SPEN: variants seen among roughly 807,000 people sequenced by gnomAD.
SPEN encodes the protein spen family transcriptional repressor.
A neutral mutation model predicts 269.9 loss-of-function variants in SPEN; 18 were observed. That is an observed-to-expected ratio of 0.07 (90% CI 0.05 to 0.10). The LOEUF is 0.10. Among genes scored for constraint, SPEN ranks in the 10% least tolerant of loss-of-function variants. The pLI is 1.00. For synonymous variants in SPEN, 1,726 were observed against 1,765.7 expected (o/e 0.98, Z 0.56); for missense variants, 3,822 against 4,631.2 (o/e 0.83, Z 5.07).
chr1:15,891,189 A>T (rs146393835), intron 3 of SPEN, among the ~76,000 whole-genome samples: 2 of 152,104 alleles, frequency 1.3e-5, no homozygotes, highest in Admixed American at 1.3e-4. Context: ...AATAATTGCT[A>T]TGAAAAAAAT....
At position 15,883,279 on chromosome 1, in the gene SPEN, G is replaced by C. The variant is rs543014045; in HGVS notation, c.881+6601G>C. ...GGGAAGCAGACATGTGAAACCCTTT[G>C]TGGTGTTTGCTTAAAGTAACAAGGA... On this transcript the variant is annotated intron_variant, in intron 3 of 14. Transcript: ENST00000375759. 5.5e-4 allele frequency among the ~76,000 whole-genome samples: 83 copies of C among 152,270 alleles called. No individual in the cohort carries two copies. The South Asian group carries it at 0.015, about 28-fold the overall frequency.
rs2071291028 is a variant in SPEN at position 15,937,757 on chromosome 1, G to C, written c.10510-55G>C. 6.2e-7 allele frequency: 1 copy of C among 1,611,248 alleles called. No homozygotes were observed. Among genetic ancestry groups the C allele is most frequent in the Non-Finnish European group, 8.5e-7 (1 of 1,178,772 alleles). On this transcript the variant is annotated intron_variant, in intron 12 of 14. Transcript: ENST00000375759. This position sits in a 1 kb window ranked among gnomAD's most constrained non-coding sequence, Gnocchi z 5.7. ...AAGCTACAGCCTCTGGCTGTGTCCAGCATGGCTCAGCGAGGGGCCATGAGC... is the reference window on the plus strand; with the variant it reads ...AAGCTACAGCCTCTGGCTGTGTCCACCATGGCTCAGCGAGGGGCCATGAGC...
rs756295949 is a variant in SPEN, at chr1:15,932,274, G to A, written c.6034G>A (p.Glu2012Lys). 6.2e-7 allele frequency: 1 copy of A among 1,609,328 alleles called. No homozygotes were observed. The highest frequency in any genetic ancestry group is 8.5e-7 in the Non-Finnish European group (1 of 1,178,222). The change falls in exon 11 of 15, where the codon GAG becomes AAG. Residue 2012 changes from glutamate (E) to lysine (K), a missense_variant. Around this residue, in one of 16 missense-constraint regions of SPEN, gnomAD observed 727 missense variants for 737.9 expected, o/e 0.99. Coordinates refer to ENST00000375759, the MANE Select transcript of SPEN (RefSeq NM_015001.3). The surrounding 1 kb of genome is among the most constrained non-coding windows in gnomAD (Gnocchi z 4.2). ...ACCGAAGGTGGATGCTACACGTCCT[G>A]AGGCCACCACTGAGGTGGGCCCCCA... ...NEPKVDATRP[E>K]ATTEVGPQIG...
intron 9 of SPEN, among the ~76,000 whole-genome samples, chr1:15,921,348 C>G (rs2071118355): frequency 6.6e-6 from 1 of 152,074 alleles, no homozygotes; most frequent in South Asian, 2.1e-4. Flanking sequence ...AGAAATCACC[C>G]CGTTAATAAC....
chr1:15,932,459 C>T lies in SPEN; in HGVS notation c.6219C>T (p.Ser2073=). The T allele has an allele frequency of 6.2e-7, 1 of 1,612,060 alleles. No individual in the cohort carries two copies. The highest frequency in any genetic ancestry group is 8.5e-7 in the Non-Finnish European group (1 of 1,179,420). The stretch of plus-strand genomic sequence containing the variant: ...AAAAACCGGCCCCTGAAAAAAACTC[C>T]AAATCAAAGAGAGGAAGATCTCGAA... ...VEKKPAPEKN[S]KSKRGRSRNS... Residue 2073 remains serine, a synonymous_variant, in exon 11 of 15, where the codon TCC becomes TCT. Coordinates refer to ENST00000375759, the MANE Select transcript of SPEN (RefSeq NM_015001.3). The surrounding 1 kb of genome is among the most constrained non-coding windows in gnomAD (Gnocchi z 4.2).
At chr1:15,864,906 C>G (rs2070487763) in intron 1 of SPEN, among the ~76,000 whole-genome samples, 1 of 151,596 alleles carries the variant, frequency 6.6e-6, no homozygotes, top group African/African-American at 2.4e-5. Flanking sequence ...TTGCTTTGTT[C>G]CCCAGGTTGG....
intron 3 of SPEN, among the ~76,000 whole-genome samples, chr1:15,899,594 A>G (rs534860971): frequency 8.5e-4 from 119 of 139,680 alleles, no homozygotes; most frequent in African/African-American, 3.0e-3. Flanking sequence ...CTGAACTCGA[A>G]CTCCTGGGCT....
At chr1:15,874,212 A>G in intron 2 of SPEN, 1 of 1,366,556 alleles carries the variant, frequency 7.3e-7, no homozygotes, top group Non-Finnish European at 9.8e-7. Flanking sequence ...TTCCAGTGGA[A>G]TTATTTTGTC....
Position 15,933,945 on chromosome 1 carries a change from C to T in SPEN, c.7705C>T (p.His2569Tyr). ...GCCTGTCAGTGCTGCCCCTTGCCTA[C>T]ATGAGGCCCCGCCCCCGCCAGTTGA... ...AEPVSAAPCL[H>Y]EAPPPPVDSK... Residue 2569 changes from histidine (H) to tyrosine (Y), a missense_variant, in exon 11 of 15, where the codon CAT (histidine) becomes TAT (tyrosine). Coordinates refer to ENST00000375759, the MANE Select transcript of SPEN (RefSeq NM_015001.3). The surrounding 1 kb of genome is among the most constrained non-coding windows in gnomAD (Gnocchi z 5.7). 6.2e-7 allele frequency: 1 copy of T among 1,614,008 alleles called. No individual in the cohort carries two copies. Among genetic ancestry groups the T allele is most frequent in the Non-Finnish European group, 8.5e-7 (1 of 1,179,942 alleles).
rs2070288559 is a variant in SPEN, at chr1:15,847,916, C to G, written c.-152C>G. 1 of 326,860 alleles carries G rather than the reference C, an allele frequency of 3.1e-6. No individual in the cohort carries two copies. Among genetic ancestry groups the G allele is most frequent in the Non-Finnish European group, 5.6e-6 (1 of 179,900 alleles). The allele number at this position is 326,860 out of a possible 1,614,324, so 20.2% of individuals were successfully genotyped here. A position where few individuals can be genotyped will look rare whatever the true frequency, so the allele number is the denominator to read the frequency against. On this transcript the variant is annotated 5_prime_UTR_variant, in exon 1 of 15. Transcript: ENST00000375759. ...CTGGGGGAGAGGGATGGTCTCTGCA[C>G]GGGGGGGAGCCGGAGGAGCCGCCGC... is the stretch of plus-strand genomic sequence containing the variant.
Position 15,909,209 on chromosome 1 carries a change from A to G in SPEN, c.882-112A>G, listed in dbSNP as rs568616730. The G allele has an allele frequency of 1.3e-5, 15 of 1,194,566 alleles. No homozygotes were observed. In the South Asian group the frequency reaches 1.8e-4, roughly 14 times the overall value. 74.0% of individuals were successfully genotyped at this position (1,194,566 alleles called of 1,614,324 possible). On this transcript the variant is annotated intron_variant, in intron 3 of 14. Coordinates refer to ENST00000375759, the MANE Select transcript of SPEN (RefSeq NM_015001.3). ...TAGATGTGTAGAATGCAGGGCCTCCAGAAATTCCAGTCTGAAAATTTAGAC... is the reference window on the plus strand; with the variant it reads ...TAGATGTGTAGAATGCAGGGCCTCCGGAAATTCCAGTCTGAAAATTTAGAC...
intron 3 of SPEN, among the ~76,000 whole-genome samples, chr1:15,894,151 T>C (rs1022296431): frequency 6.6e-6 from 1 of 152,228 alleles, no homozygotes; most frequent in Non-Finnish European, 1.5e-5. Context: ...CTGTGCCTTC[T>C]GAAACATTTT....
chr1:15,911,766 G>T (rs1462790657), intron 5 of SPEN, among the ~76,000 whole-genome samples: 1 of 152,088 alleles, frequency 6.6e-6, no homozygotes, highest in Non-Finnish European at 1.5e-5. Context: ...TTCAAGACCA[G>T]CCTGGCCAAC....
chr1:15,868,866 T>A, intron 1 of SPEN, among the ~76,000 whole-genome samples: 1 of 152,232 alleles, frequency 6.6e-6, no homozygotes, highest in Non-Finnish European at 1.5e-5. Context: ...ATATGACATA[T>A]TACAAATTTT....
rs536612851 is a variant in SPEN, at chr1:15,859,507, G to A, written c.83+11357G>A. 1.1e-3 allele frequency among the ~76,000 whole-genome samples: 160 copies of A among 151,588 alleles called. 1 individual carries two copies. Among genetic ancestry groups the A allele is most frequent in the Middle Eastern group, 0.01 (3 of 292 alleles). ...CGAGTAGCTGGGACCACAGGTGCCC[G>A]CCACAGCCCCCGCCACCACGCCCGG... On this transcript the variant is annotated intron_variant, in intron 1 of 14. Coordinates refer to ENST00000375759, the MANE Select transcript of SPEN (RefSeq NM_015001.3).
intron 1 of SPEN, among the ~76,000 whole-genome samples, chr1:15,859,870 G>T (rs2070425459): frequency 7.1e-6 from 1 of 141,010 alleles, no homozygotes; most frequent in African/African-American, 2.6e-5. Context: ...AGAGGCTCAG[G>T]TATTTAATAA....
rs528022217 is a variant in SPEN at position 15,935,552 on chromosome 1, G to A, written c.9312G>A (p.Thr3104=). The change falls in exon 11 of 15, where the codon ACG becomes ACA. Residue 3104 remains threonine, a synonymous_variant. Coordinates refer to ENST00000375759, the MANE Select transcript of SPEN (RefSeq NM_015001.3). This position sits in a 1 kb window ranked among gnomAD's most constrained non-coding sequence, Gnocchi z 7.7. ...GCGAGGTGAGAATGAACACTCCCACGCTGCCCAGTATCACCTACAGCATCC... is the reference window on the plus strand; with the variant it reads ...GCGAGGTGAGAATGAACACTCCCACACTGCCCAGTATCACCTACAGCATCC... ...SQGEVRMNTP[T]LPSITYSIRP... 2 of 1,613,958 alleles carry A rather than the reference G, an allele frequency of 1.2e-6. No homozygotes were observed. Among genetic ancestry groups the A allele is most frequent in the Admixed American group, 1.7e-5 (1 of 59,996 alleles).
chr1:15,938,605 C>A, intron 13 of SPEN, 113 bp from the exon 14 acceptor site: 1 of 682,104 alleles, frequency 1.5e-6, no homozygotes, highest in Non-Finnish European at 2.1e-6. Context: ...TCAGGGTAGC[C>A]TTTAAAGTCA....
chr1:15,931,459 C>T lies in SPEN; in HGVS notation c.5219C>T (p.Ala1740Val), dbSNP rs976760910. 1.2e-6 allele frequency: 2 copies of T among 1,614,000 alleles called. No individual in the cohort carries two copies. The highest frequency in any genetic ancestry group is 1.7e-6 in the Non-Finnish European group (2 of 1,180,032). ...YLDAKPPTPG[A>V]SFSQAESNVD... ...GATGCCAAGCCTCCAACTCCCGGGG[C>T]CTCGTTTTCCCAGGCAGAGAGCAAC... The change falls in exon 11 of 15, where the codon GCC becomes GTC. Residue 1740 changes from alanine (A) to valine (V), a missense_variant. Ala to Val is a moderately conservative substitution (Grantham distance 64, BLOSUM62 0). Around this residue, in one of 16 missense-constraint regions of SPEN, gnomAD observed 533 missense variants for 618.8 expected, o/e 0.86. Transcript: ENST00000375759. This position sits in a 1 kb window ranked among gnomAD's most constrained non-coding sequence, Gnocchi z 4.8.
Sources: gnomAD v4.1 joint callset for allele counts (sites outside exome capture counted in the v4.1 genomes callset) on GRCh38, gnomAD v4.1.1 for gene constraint, gnomAD v4.1.1 regional missense constraint, Gnocchi (gnomAD v3.1) non-coding constraint, MANE v1.5 for transcripts, NCBI Gene and HGNC (gene_info 2026-07-23, HGNC 2026-07-21) for gene names.